Variants in ABI1 observed in about 807,000 individuals in gnomAD.
ABI1 encodes the protein Abelson interactor 1.
In ABI1, 14 loss-of-function variants were observed where a neutral mutation model predicts 54.6. The ratio of observed to expected loss-of-function variants is 0.26; its 90% CI spans 0.17 to 0.40. ABI1 has a LOEUF of 0.40. ABI1 is among the 10% of genes least tolerant of loss of function. The probability of loss-of-function intolerance (pLI) is 1.00; values close to 1 mark genes in which losing one functional copy is unlikely to be tolerated. For synonymous variants in ABI1, 194 were observed against 209.3 expected, an observed-to-expected ratio of 0.93 and a Z score of 0.63; for missense variants, 443 against 598.3, an observed-to-expected ratio of 0.74 and a Z score of 2.71.
chr10:26,828,216 A>T (rs1482599020), intron 1 of ABI1, among the ~76,000 whole-genome samples: 13 of 152,240 alleles, frequency 8.5e-5, no homozygotes, highest in Admixed American at 7.9e-4. Flanking sequence ...AGTTGGTGGT[A>T]CAGTCAGAAC....
rs571924581 is a variant in ABI1, at chr10:26,752,856, A to G, written c.1085-1073T>C. On this transcript the variant is annotated intron_variant, in intron 9 of 10. Transcript: ENST00000376140. ...AATGCTTAACTTAAATTTCTGATCA[A>G]TAAATTTCTTTAAAAGTTCAAAAGA... Among the ~76,000 whole-genome samples, 3 of 152,308 alleles carry G rather than the reference A, an allele frequency of 2.0e-5. No homozygotes were observed. In the East Asian group the frequency reaches 5.8e-4, roughly 29 times the overall value.
chr10:26,772,721 T>A (rs1012188322), intron 3 of ABI1, among the ~76,000 whole-genome samples: 4 of 152,140 alleles, frequency 2.6e-5, no homozygotes, highest in Admixed American at 1.3e-4. Flanking sequence ...ATCTATAAAA[T>A]TTTTTATTTA....
At position 26,805,527 on chromosome 10, in the gene ABI1, A is replaced by T. The variant is rs148193673; in HGVS notation, c.285+17611T>A. 1.1e-4 allele frequency among the ~76,000 whole-genome samples: 16 copies of T among 152,318 alleles called. No individual in the cohort carries two copies. In the East Asian group the frequency reaches 3.1e-3, roughly 29 times the overall value. On this transcript the variant is annotated intron_variant, in intron 2 of 10. Transcript: ENST00000376140. ...TGGTTTCACCCACACTTTGTGATCA[A>T]CAGGGAGGGACTGAAGATTTGCTTC...
At chr10:26,807,272 G>A (rs192825063) in intron 2 of ABI1, among the ~76,000 whole-genome samples, 89 of 152,216 alleles carry the variant, frequency 5.8e-4, no homozygotes, top group African/African-American at 2.0e-3. Context: ...CCGGGAATTC[G>A]ACACAGGTCT....
intron 2 of ABI1, among the ~76,000 whole-genome samples, chr10:26,822,522 TAA>T (rs1285442365): frequency 2.6e-5 from 4 of 151,806 alleles, no homozygotes; most frequent in Admixed American, 6.6e-5. Context: ...TACTCAGCAA[TAA>T]AAGAGTGAAC....
chr10:26,780,058 A>T (rs1457447645), intron 2 of ABI1, among the ~76,000 whole-genome samples: 1 of 152,194 alleles, frequency 6.6e-6, no homozygotes, highest in Non-Finnish European at 1.5e-5. Flanking sequence ...TTAACAATGG[A>T]GCAGTAAAGA....
At chr10:26,819,545 C>T (rs966550438) in intron 2 of ABI1, among the ~76,000 whole-genome samples, 2 of 152,164 alleles carry the variant, frequency 1.3e-5, no homozygotes, top group Non-Finnish European at 2.9e-5. Context: ...AGTAAAGATA[C>T]AGAAGAATTG....
intron 1 of ABI1, among the ~76,000 whole-genome samples, chr10:26,856,723 T>C (rs2050849529): frequency 6.6e-6 from 1 of 152,134 alleles, no homozygotes; most frequent in Non-Finnish European, 1.5e-5. Context: ...AGACAAAAAA[T>C]AAAATTAAAT....
chr10:26,848,200 C>CAAAAAAAAAAAAAAAAAAAA (rs149066426), intron 1 of ABI1, among the ~76,000 whole-genome samples: 2 of 78,688 alleles, frequency 2.5e-5, no homozygotes, highest in Non-Finnish European at 2.5e-5. Context: ...GACCCTGTCT[C>CAAAAAAAAAAAAAAAAAAAA]AAAAAAAAAA....
rs1191620063 is a variant in ABI1, at chr10:26,853,630, C to A, written c.117+7117G>T. 2.6e-5 allele frequency among the ~76,000 whole-genome samples: 4 copies of A among 151,320 alleles called. No homozygotes were observed. The South Asian group carries it at 8.4e-4, about 32-fold the overall frequency. On this transcript the variant is annotated intron_variant, in intron 1 of 10. Transcript: ENST00000376140. Reference sequence around the variant, plus strand: ...TCTCAGCTCACTGCAAGCTCCGCCTCCGGGTTCACGCCATTCAGCCGCCTC... The same window carrying A: ...TCTCAGCTCACTGCAAGCTCCGCCTACGGGTTCACGCCATTCAGCCGCCTC...
chr10:26,787,805 T>C (rs1202321467), intron 2 of ABI1, among the ~76,000 whole-genome samples: 1 of 151,788 alleles, frequency 6.6e-6, no homozygotes, highest in Non-Finnish European at 1.5e-5. Context: ...GTAACCCCAG[T>C]TGAGAAGAAC....
chr10:26,801,408 G>A (rs1006423459), intron 2 of ABI1, among the ~76,000 whole-genome samples: 3 of 152,016 alleles, frequency 2.0e-5, no homozygotes, highest in Non-Finnish European at 2.9e-5. Flanking sequence ...TTAGCCAGGC[G>A]TGGTGGTATG....
At position 26,810,677 on chromosome 10, in the gene ABI1, T is replaced by C. The variant is rs373112150; in HGVS notation, c.285+12461A>G. Among the ~76,000 whole-genome samples the C allele has an allele frequency of 8.5e-5, 13 of 152,156 alleles. No individual in the cohort carries two copies. The East Asian group carries it at 2.1e-3, about 25-fold the overall frequency. ...TCCAATAAAACTTTATTTATAAAAA[T>C]GGAGGGGGAAGGACTAGATGTGGCT... On this transcript the variant is annotated intron_variant, in intron 2 of 10. Coordinates refer to ENST00000376140, the MANE Select transcript of ABI1 (RefSeq NM_001012750.3).
Position 26,819,969 on chromosome 10 carries a change from A to C in ABI1, c.285+3169T>G, listed in dbSNP as rs188546764. On this transcript the variant is annotated intron_variant, in intron 2 of 10. Coordinates refer to ENST00000376140, the MANE Select transcript of ABI1 (RefSeq NM_001012750.3). ...AATGATCTCCCTTTTTCAGATGTGG[A>C]ATCTAAAAAAATCAAAGCTCACTGA... 1.8e-3 allele frequency among the ~76,000 whole-genome samples: 277 copies of C among 152,298 alleles called. 1 individual carries two copies. The highest frequency in any genetic ancestry group is 2.8e-3 in the Non-Finnish European group (191 of 68,026).
intron 6 of ABI1, 76 bp downstream of exon 6, chr10:26,768,776 G>C: frequency 7.7e-7 from 1 of 1,291,312 alleles, no homozygotes; most frequent in South Asian, 1.7e-5. Flanking sequence ...CCTTTACTCA[G>C]CACCTCCATA....
chr10:26,780,667 G>T (rs192607555), intron 2 of ABI1, among the ~76,000 whole-genome samples: 140 of 152,286 alleles, frequency 9.2e-4, no homozygotes, highest in African/African-American at 3.0e-3. Flanking sequence ...ATGATTAGGA[G>T]TGGGGCCAAG....
At chr10:26,784,549 T>TG (rs999908003) in intron 2 of ABI1, among the ~76,000 whole-genome samples, 2 of 108,744 alleles carry the variant, frequency 1.8e-5, no homozygotes, top group African/African-American at 6.9e-5. Context: ...ACTGGGGAGG[T>TG]GGGGGGGAAT....
At chr10:26,748,772 C>T in intron 10 of ABI1, 27 bp from the exon 11 acceptor site, 2 of 1,541,870 alleles carry the variant, frequency 1.3e-6, no homozygotes, top group African/African-American at 1.4e-5. Flanking sequence ...TGAAATATCA[C>T]ATGAGTGCAC....
chr10:26,817,010 G>C (rs531746568), intron 2 of ABI1, among the ~76,000 whole-genome samples: 15 of 151,824 alleles, frequency 9.9e-5, no homozygotes, highest in Admixed American at 3.3e-4. Context: ...GTGTGTGTGT[G>C]TGTGTGTGTG....
Sources: gnomAD v4.1 joint callset for allele counts (sites outside exome capture counted in the v4.1 genomes callset) on GRCh38, gnomAD v4.1.1 for gene constraint, MANE v1.5 for transcripts, NCBI Gene and HGNC (gene_info 2026-07-23, HGNC 2026-07-21) for gene names.